Variants in RAPGEF4 observed in about 807,000 individuals in gnomAD.
The protein encoded by RAPGEF4 is RAP guanine-nucleotide-exchange factor (GEF) 4.
Under a neutral mutation model 147.9 loss-of-function variants are expected in RAPGEF4, and 66 were observed. The ratio of observed to expected loss-of-function variants is 0.45; its 90% CI spans 0.37 to 0.55. RAPGEF4 has a LOEUF of 0.55. Among genes scored for constraint, RAPGEF4 ranks in the 20% least tolerant of loss-of-function variants. The pLI is 0.00. For missense variants in RAPGEF4, 1,071 were observed against 1,257.3 expected (o/e 0.85, Z 2.24); for synonymous variants, 419 against 442.7 (o/e 0.95, Z 0.67).
At chr2:172,926,943 T>C (rs1404025838) in intron 6 of RAPGEF4, among the ~76,000 whole-genome samples, 1 of 152,200 alleles carries the variant, frequency 6.6e-6, no homozygotes, top group Non-Finnish European at 1.5e-5. Context: ...TACTGAAGAA[T>C]GCTTTCTCGC....
At chr2:172,817,875 GATATAT>G (rs57719631) in intron 4 of RAPGEF4, among the ~76,000 whole-genome samples, 1,979 of 142,962 alleles carry the variant, frequency 0.014, 46 homozygotes, top group African/African-American at 0.043. Flanking sequence ...AAGAAATTGT[GATATAT>G]ATATATATAT....
intron 14 of RAPGEF4, 86 bp downstream of exon 14, chr2:172,988,925 A>G (rs1575455165): frequency 2.8e-6 from 4 of 1,438,486 alleles, no homozygotes; most frequent in South Asian, 1.2e-5. Flanking sequence ...GTCTTAATTG[A>G]GTAGTCCTGT....
At chr2:173,043,888 C>T (rs936916071) in intron 29 of RAPGEF4, among the ~76,000 whole-genome samples, 4 of 152,234 alleles carry the variant, frequency 2.6e-5, no homozygotes, top group African/African-American at 9.6e-5. Context: ...GTGGTCACCC[C>T]TTCCTCTGGA....
chr2:172,898,866 A>T (rs569863603), intron 4 of RAPGEF4, among the ~76,000 whole-genome samples: 1 of 152,296 alleles, frequency 6.6e-6, no homozygotes, highest in East Asian at 1.9e-4. Flanking sequence ...GTGGCTGGCA[A>T]TGATGTCTCT....
chr2:172,942,568 TAAAAAAAA>T (rs60948094), intron 6 of RAPGEF4, among the ~76,000 whole-genome samples: 2 of 107,872 alleles, frequency 1.9e-5, no homozygotes, highest in African/African-American at 7.1e-5. Context: ...TAGAGTCTGG[TAAAAAAAA>T]AAAAAAAAAA....
At chr2:172,771,669 T>C (rs1262633753) in intron 1 of RAPGEF4, among the ~76,000 whole-genome samples, 1 of 152,128 alleles carries the variant, frequency 6.6e-6, no homozygotes, top group Non-Finnish European at 1.5e-5. Flanking sequence ...TGTCACAAAC[T>C]CCTGGGCACA....
chr2:172,797,647 AT>A (rs772111096), intron 3 of RAPGEF4, 34 bp downstream of exon 3: 60 of 1,509,654 alleles, frequency 4.0e-5, no homozygotes, highest in African/African-American at 5.6e-5. Flanking sequence ...AGTAGGATTT[AT>A]TTTTTTTAAA....
At chr2:172,879,029 A>G (rs1283333793) in intron 4 of RAPGEF4, among the ~76,000 whole-genome samples, 4 of 152,236 alleles carry the variant, frequency 2.6e-5, no homozygotes, top group East Asian at 1.9e-4. Flanking sequence ...TGCACACACC[A>G]TTTGGCCAAA....
chr2:172,992,400 C>T (rs1692923801), intron 15 of RAPGEF4, among the ~76,000 whole-genome samples: 1 of 152,124 alleles, frequency 6.6e-6, no homozygotes, highest in Admixed American at 6.5e-5. Flanking sequence ...TTCTTTGGTT[C>T]CCTTAAATAC....
intron 4 of RAPGEF4, chr2:172,821,715 G>GT (rs1559058381): frequency 2.0e-5 from 8 of 393,324 alleles, no homozygotes; most frequent in Non-Finnish European, 2.2e-5. Flanking sequence ...AGGGAGTGAA[G>GT]TTATTAGGAG....
intron 4 of RAPGEF4, among the ~76,000 whole-genome samples, chr2:172,882,430 A>G (rs994422932): frequency 2.0e-5 from 3 of 152,214 alleles, no homozygotes; most frequent in Non-Finnish European, 4.4e-5. Flanking sequence ...TTAATGGAGT[A>G]CAGGAACTTT....
intron 27 of RAPGEF4, among the ~76,000 whole-genome samples, chr2:173,035,344 T>TA (rs1170271841): frequency 2.6e-5 from 4 of 151,592 alleles, no homozygotes; most frequent in African/African-American, 9.7e-5. Context: ...CCGTCTCTAC[T>TA]AAAAAAATAC....
intron 4 of RAPGEF4, among the ~76,000 whole-genome samples, chr2:172,864,191 G>A (rs538891801): frequency 6.6e-6 from 1 of 152,262 alleles, no homozygotes; most frequent in African/African-American, 2.4e-5. Context: ...TTTCACAAAC[G>A]AGGATGAGAG....
At chr2:172,924,554 G>A (rs1685081666) in intron 6 of RAPGEF4, among the ~76,000 whole-genome samples, 1 of 152,174 alleles carries the variant, frequency 6.6e-6, no homozygotes, top group South Asian at 2.1e-4. Flanking sequence ...TTAGCAAATA[G>A]AGTAGATGTA....
chr2:173,029,366 C>A (rs980080003), intron 25 of RAPGEF4, among the ~76,000 whole-genome samples: 6 of 152,210 alleles, frequency 3.9e-5, no homozygotes, highest in South Asian at 2.1e-4. Flanking sequence ...AAAATGAATT[C>A]TTTCCCTTTT....
intron 17 of RAPGEF4, among the ~76,000 whole-genome samples, chr2:173,013,634 G>T (rs893122552): frequency 2.6e-5 from 4 of 152,078 alleles, no homozygotes; most frequent in Non-Finnish European, 4.4e-5. Flanking sequence ...AATGGACCAG[G>T]GACCTTTACT....
intron 4 of RAPGEF4, among the ~76,000 whole-genome samples, chr2:172,859,000 A>G (rs570349731): frequency 6.6e-6 from 1 of 152,192 alleles, no homozygotes; most frequent in Non-Finnish European, 1.5e-5. Flanking sequence ...TGTCATTAGG[A>G]TTAGGGAAAT....
At chr2:173,024,212 T>A (rs11900338) in intron 23 of RAPGEF4, among the ~76,000 whole-genome samples, 904 of 49,434 alleles carry the variant, frequency 0.018, 21 homozygotes, top group African/African-American at 0.038. Context: ...ACTTCTTTTT[T>A]TTATTATTTT....
At chr2:172,767,934 C>A (rs1697001256) in intron 1 of RAPGEF4, among the ~76,000 whole-genome samples, 1 of 152,122 alleles carries the variant, frequency 6.6e-6, no homozygotes, top group Non-Finnish European at 1.5e-5. Flanking sequence ...CCTCAGCCTC[C>A]CGAGTAGCTG....
Sources: gnomAD v4.1 joint callset for allele counts (sites outside exome capture counted in the v4.1 genomes callset) on GRCh38, gnomAD v4.1.1 for gene constraint, MANE v1.5 for transcripts, NCBI Gene and HGNC (gene_info 2026-07-23, HGNC 2026-07-21) for gene names.